The following FAM120A variants were observed in gnomAD, a reference collection of about 807,000 sequenced individuals.
FAM120A encodes family with sequence similarity 120 member A.
A neutral mutation model predicts 109.7 loss-of-function variants in FAM120A; 15 were observed. The observed-to-expected ratio is 0.14, with a 90% confidence interval of 0.09 to 0.21. FAM120A has a LOEUF of 0.21. Ranked by LOEUF, FAM120A falls within the 10% of genes least tolerant of loss-of-function variation. The pLI, the probability that FAM120A is intolerant of heterozygous loss-of-function variation, is 1.00. For synonymous variants in FAM120A, 493 were observed against 572.8 expected (o/e 0.86, Z 1.99); for missense variants, 899 against 1,439.3 (o/e 0.62, Z 6.07).
intron 14 of FAM120A, 36 bp downstream of exon 14, chr9:93,558,046 A>T (rs763627849): frequency 1.3e-6 from 2 of 1,529,150 alleles, no homozygotes; most frequent in Non-Finnish European, 8.8e-7. Context: ...TGGGTAACAG[A>T]TGCCAGATTC....
intron 10 of FAM120A, among the ~76,000 whole-genome samples, chr9:93,542,726 G>T (rs1285122933): frequency 6.6e-6 from 1 of 152,212 alleles, no homozygotes; most frequent in Non-Finnish European, 1.5e-5. Context: ...ATTTGTTGAA[G>T]TGGGAGGTTC....
intron 5 of FAM120A, among the ~76,000 whole-genome samples, chr9:93,505,051 G>GT (rs768552939): frequency 0.082 from 6,634 of 80,978 alleles, 1,781 homozygotes; most frequent in South Asian, 0.23. Flanking sequence ...GTTCGCTTGT[G>GT]TTTTTTTTTT....
At position 93,452,872 on chromosome 9, in the gene FAM120A, A is replaced by T. The variant is rs1292513994; in HGVS notation, c.474+483A>T. 1.3e-5 allele frequency: 19 copies of T among 1,459,012 alleles called. No homozygotes were observed. Among genetic ancestry groups the T allele is most frequent in the Non-Finnish European group, 1.6e-5 (18 of 1,114,170 alleles). 90.4% of individuals were successfully genotyped at this position (1,459,012 alleles called of 1,614,324 possible). On this transcript the variant is annotated intron_variant, in intron 1 of 17. Transcript: ENST00000277165. The surrounding 1 kb of genome is among the most constrained non-coding windows in gnomAD (Gnocchi z 7.0). ...AGAGCCCTTGGGGGCTGCAAATATC[A>T]GTGCTGCTGCCGCCGCCCTTGCCAA...
chr9:93,475,413 T>A (rs1858508176), intron 2 of FAM120A, among the ~76,000 whole-genome samples: 1 of 152,092 alleles, frequency 6.6e-6, no homozygotes, highest in African/African-American at 2.4e-5. Context: ...TTCCAAATGG[T>A]CTTAGTTTGT....
intron 10 of FAM120A, among the ~76,000 whole-genome samples, chr9:93,541,190 T>C (rs900692317): frequency 3.3e-5 from 5 of 152,170 alleles, no homozygotes; most frequent in South Asian, 4.1e-4. Context: ...GGTGTGGTTA[T>C]GTAGAGTAAT....
At chr9:93,528,640 A>G (rs922795520) in intron 8 of FAM120A, among the ~76,000 whole-genome samples, 21 of 152,240 alleles carry the variant, frequency 1.4e-4, no homozygotes, top group African/African-American at 5.1e-4. Flanking sequence ...GTTTTCACCA[A>G]ACAGTGTATC....
intron 12 of FAM120A, among the ~76,000 whole-genome samples, chr9:93,555,801 T>C (rs1178777649): frequency 1.3e-5 from 2 of 152,204 alleles, no homozygotes; most frequent in Non-Finnish European, 2.9e-5. Flanking sequence ...TATCCATTTC[T>C]CCAAAAGACA....
chr9:93,463,330 C>T lies in FAM120A; in HGVS notation c.475-7811C>T, dbSNP rs531096034. ...TCCCTTATTTTAAGAAATGTTTTTC[C>T]TTGTTTTTAAGATCACTGTACCCAA... On this transcript the variant is annotated intron_variant, in intron 1 of 17. Coordinates refer to ENST00000277165, the MANE Select transcript of FAM120A (RefSeq NM_014612.5). 1.2e-3 allele frequency among the ~76,000 whole-genome samples: 176 copies of T among 152,096 alleles called. 2 individuals carry two copies. The highest frequency in any genetic ancestry group is 3.9e-3 in the African/African-American group (161 of 41,492).
At chr9:93,524,583 C>T (rs1004956872) in intron 7 of FAM120A, among the ~76,000 whole-genome samples, 6 of 152,210 alleles carry the variant, frequency 3.9e-5, no homozygotes, top group African/African-American at 1.4e-4. Flanking sequence ...GCCAGAGTCA[C>T]CCTTTCTGTT....
chr9:93,558,681 A>G lies in FAM120A; in HGVS notation c.2769A>G (p.Ser923=), dbSNP rs779947179. The G allele has an allele frequency of 6.2e-7, 1 of 1,614,120 alleles. No individual in the cohort carries two copies. The highest frequency in any genetic ancestry group is 1.7e-5 in the Admixed American group (1 of 60,034). ...CATCGGGACACTGCGGAGCCTTCTC[A>G]GGCAGTGACAGCAGCAGGACTAGCA... ...AAASGHCGAF[S]GSDSSRTSKS... Residue 923 remains serine, a synonymous_variant, in exon 15 of 18, where the codon TCA becomes TCG. Coordinates refer to ENST00000277165, the MANE Select transcript of FAM120A (RefSeq NM_014612.5).
intron 13 of FAM120A, among the ~76,000 whole-genome samples, chr9:93,557,317 A>G (rs1225477761): frequency 6.6e-6 from 1 of 151,746 alleles, no homozygotes; most frequent in Admixed American, 6.6e-5. Context: ...TTTAGTAGAG[A>G]CGGTGTTTTG....
At chr9:93,548,269 A>G (rs1364421566) in intron 11 of FAM120A, among the ~76,000 whole-genome samples, 6 of 151,960 alleles carry the variant, frequency 3.9e-5, no homozygotes, top group African/African-American at 9.7e-5. Context: ...ACGCCCGGCT[A>G]ATTTTTTTGT....
Position 93,504,836 on chromosome 9 carries a change from G to A in FAM120A, c.1030+5950G>A, listed in dbSNP as rs1041840805. On this transcript the variant is annotated intron_variant, in intron 5 of 17. Coordinates refer to ENST00000277165, the MANE Select transcript of FAM120A (RefSeq NM_014612.5). ...CCCTGTTCAAGCCTCTGCTGCTGCC[G>A]GACACGGATACACCTATTTATTCTC... Among the ~76,000 whole-genome samples, 6 of 152,178 alleles carry A rather than the reference G, an allele frequency of 3.9e-5. No homozygotes were observed. The South Asian group carries it at 1.0e-3, about 26-fold the overall frequency.
intron 13 of FAM120A, among the ~76,000 whole-genome samples, chr9:93,557,265 A>C (rs573260000): frequency 1.7e-4 from 26 of 151,532 alleles, no homozygotes; most frequent in African/African-American, 5.6e-4. Context: ...TAGTAGCTGG[A>C]ATTACAGGTG....
At chr9:93,493,034 G>A (rs1859400388) in intron 3 of FAM120A, among the ~76,000 whole-genome samples, 1 of 152,138 alleles carries the variant, frequency 6.6e-6, no homozygotes, top group Non-Finnish European at 1.5e-5. Flanking sequence ...TTACTTCTGG[G>A]GAAAGCCTGT....
intron 5 of FAM120A, among the ~76,000 whole-genome samples, chr9:93,508,306 C>G (rs969410237): frequency 6.6e-6 from 1 of 152,214 alleles, no homozygotes; most frequent in Non-Finnish European, 1.5e-5. Flanking sequence ...GTCCTGGTCA[C>G]AGCAACACAG....
At chr9:93,554,304 G>A (rs1291420540) in intron 12 of FAM120A, among the ~76,000 whole-genome samples, 1 of 152,108 alleles carries the variant, frequency 6.6e-6, no homozygotes, top group Non-Finnish European at 1.5e-5. Flanking sequence ...CGTTTGCCGG[G>A]TAAATGGTTT....
chr9:93,519,888 T>C (rs997866649), intron 7 of FAM120A, among the ~76,000 whole-genome samples: 1 of 152,142 alleles, frequency 6.6e-6, no homozygotes, highest in African/African-American at 2.4e-5. Flanking sequence ...TATTATTATT[T>C]TTTTAGGGAC....
intron 5 of FAM120A, among the ~76,000 whole-genome samples, chr9:93,505,955 A>G (rs1011369872): frequency 6.6e-6 from 1 of 152,302 alleles, no homozygotes; most frequent in Non-Finnish European, 1.5e-5. Flanking sequence ...TTGCCTTAGT[A>G]TTGTCCACTG....
Sources: allele counts gnomAD v4.1 joint callset (sites outside exome capture counted in the v4.1 genomes callset), GRCh38; gene constraint gnomAD v4.1.1; non-coding constraint Gnocchi (gnomAD v3.1); transcripts MANE v1.5; gene names NCBI Gene and HGNC (gene_info 2026-07-23, HGNC 2026-07-21).